The following FGF14 variants were observed in gnomAD, a reference collection of about 807,000 sequenced individuals.
FGF14 encodes fibroblast growth factor 14.
Under a neutral mutation model 25.5 loss-of-function variants are expected in FGF14, and 5 were observed. That is an observed-to-expected ratio of 0.20 (90% CI 0.10 to 0.41). The LOEUF (loss-of-function observed/expected upper bound fraction) is 0.41. Among genes scored for constraint, FGF14 ranks in the 10% least tolerant of loss-of-function variants. FGF14 has a pLI of 1.00. For missense variants in FGF14, 222 were observed against 320.1 expected (o/e 0.69, Z 2.34); for synonymous variants, 138 against 118.3 (o/e 1.17, Z -1.08).
intron 1 of FGF14, among the ~76,000 whole-genome samples, chr13:102,000,172 A>T (rs2039409097): frequency 6.6e-6 from 1 of 152,084 alleles, no homozygotes; most frequent in Non-Finnish European, 1.5e-5. Context: ...AAAAAAAATT[A>T]GCCGGGCCTG....
chr13:102,303,514 T>C (rs894212143), intron 1 of FGF14, among the ~76,000 whole-genome samples: 5 of 152,200 alleles, frequency 3.3e-5, no homozygotes, highest in African/African-American at 7.2e-5. Flanking sequence ...AAAAAGATAT[T>C]TATATGAATA....
At chr13:101,933,739 A>C (rs1163985763) in intron 1 of FGF14, among the ~76,000 whole-genome samples, 1 of 152,160 alleles carries the variant, frequency 6.6e-6, no homozygotes, top group African/African-American at 2.4e-5. Context: ...ACAAACAAAC[A>C]AACAAACAAA....
chr13:102,385,006 T>C (rs951154889), intron 1 of FGF14, among the ~76,000 whole-genome samples: 7 of 152,226 alleles, frequency 4.6e-5, no homozygotes, highest in Non-Finnish European at 8.8e-5. Context: ...TAGGAGACTA[T>C]AAGGTAAAAG....
At chr13:102,114,401 G>T (rs2045369014) in intron 1 of FGF14, among the ~76,000 whole-genome samples, 1 of 152,146 alleles carries the variant, frequency 6.6e-6, no homozygotes, top group African/African-American at 2.4e-5. Flanking sequence ...CTGTGCAGAA[G>T]CTTTTGAGTT....
chr13:101,955,966 C>A (rs2036488367), intron 1 of FGF14, among the ~76,000 whole-genome samples: 1 of 152,208 alleles, frequency 6.6e-6, no homozygotes, highest in Non-Finnish European at 1.5e-5. Flanking sequence ...AAACAAGTCC[C>A]ACGTTTTCAC....
At chr13:101,867,170 G>C (rs923684635) in intron 3 of FGF14, among the ~76,000 whole-genome samples, 2 of 152,094 alleles carry the variant, frequency 1.3e-5, no homozygotes, top group African/African-American at 4.8e-5. Flanking sequence ...GACTGGACTT[G>C]GCAGTTAACA....
At chr13:102,194,271 CT>C (rs549629724) in intron 1 of FGF14, among the ~76,000 whole-genome samples, 1 of 152,070 alleles carries the variant, frequency 6.6e-6, no homozygotes, top group South Asian at 2.1e-4. Flanking sequence ...TTATTTTTCT[CT>C]TTTTTTAATT....
intron 3 of FGF14, among the ~76,000 whole-genome samples, chr13:101,865,927 A>G (rs2044677109): frequency 6.6e-6 from 1 of 152,090 alleles, no homozygotes; most frequent in Non-Finnish European, 1.5e-5. Context: ...TCTGATTTAA[A>G]TCTCCATTAA....
chr13:102,401,433 T>C (rs763721124), intron 1 of FGF14: 1 of 1,588,456 alleles, frequency 6.3e-7, no homozygotes, highest in African/African-American at 1.3e-5. Flanking sequence ...GACAGGTTAT[T>C]ATGAGGAAAA....
chr13:101,874,805 CG>C (rs1384607768), intron 2 of FGF14, among the ~76,000 whole-genome samples: 2 of 151,958 alleles, frequency 1.3e-5, no homozygotes, highest in African/African-American at 4.8e-5. Context: ...CCACAGGCAT[CG>C]TTAAGAACCT....
At chr13:101,750,704 A>G (rs908673931) in intron 3 of FGF14, among the ~76,000 whole-genome samples, 3 of 152,172 alleles carry the variant, frequency 2.0e-5, no homozygotes, top group South Asian at 2.1e-4. Context: ...TGTTTACTCA[A>G]ATGAGTTGGA....
chr13:102,319,300 C>G (rs369087299), intron 1 of FGF14, among the ~76,000 whole-genome samples: 10 of 152,332 alleles, frequency 6.6e-5, no homozygotes, highest in African/African-American at 2.2e-4. Context: ...GAATCCATGT[C>G]TAATCATAGT....
intron 1 of FGF14, among the ~76,000 whole-genome samples, chr13:102,165,582 A>G (rs2140634710): frequency 1.4e-5 from 2 of 145,662 alleles, no homozygotes; most frequent in East Asian, 4.2e-4. Flanking sequence ...ACCAAACACC[A>G]CGAATTCTCA....
intron 1 of FGF14, among the ~76,000 whole-genome samples, chr13:102,135,991 C>A (rs1462862155): frequency 6.6e-6 from 1 of 152,096 alleles, no homozygotes; most frequent in Admixed American, 6.6e-5. Context: ...TGCTCTAAAT[C>A]TTTTTACTTA....
In FGF14 at chr13:102,296,867, A is replaced by G. The variant is rs535533834; in HGVS notation, c.208+104604T>C. Among the ~76,000 whole-genome samples the G allele has an allele frequency of 2.0e-3, 302 of 152,336 alleles. 2 individuals carry two copies. Among genetic ancestry groups the G allele is most frequent in the African/African-American group, 6.8e-3 (281 of 41,582 alleles). ...AGAGGCCAAACTATTGCATTCTATC[A>G]TGGAGATAACATAGCTGAAATAATT... is the stretch of plus-strand genomic sequence containing the variant. On this transcript the variant is annotated intron_variant, in intron 1 of 4. Transcript: ENST00000376131.
chr13:101,935,389 G>A (rs1377855206), intron 1 of FGF14, among the ~76,000 whole-genome samples: 5 of 152,152 alleles, frequency 3.3e-5, no homozygotes, highest in Non-Finnish European at 7.3e-5. Flanking sequence ...AACTGCTATG[G>A]TTTGGCTGTG....
chr13:101,786,993 C>A (rs1055967159), intron 3 of FGF14, among the ~76,000 whole-genome samples: 1 of 152,148 alleles, frequency 6.6e-6, no homozygotes, highest in Admixed American at 6.5e-5. Flanking sequence ...TCCTGTCCCA[C>A]CTTCTAACAT....
In FGF14 at chr13:101,715,164, T is replaced by C. The variant is rs1331458999; in HGVS notation, c.*7667A>G. ...GTCATTAAGTTAGACCTTTGCTTTC[T>C]GCCCATCCTTACTACGTAAGACTCT... On this transcript the variant is annotated 3_prime_UTR_variant, in exon 5 of 5. Coordinates refer to ENST00000376143, the MANE Select transcript of FGF14 (RefSeq NM_004115.4). The C allele has an allele frequency of 2.3e-5, 4 of 172,406 alleles. No homozygotes were observed. Among genetic ancestry groups the C allele is most frequent in the Non-Finnish European group, 4.9e-5 (4 of 80,864 alleles). The allele number at this position is 172,406 out of a possible 1,614,324, so 10.7% of individuals were successfully genotyped here.
chr13:101,912,678 A>G (rs150249836), intron 1 of FGF14, among the ~76,000 whole-genome samples: 1 of 152,286 alleles, frequency 6.6e-6, no homozygotes, highest in Admixed American at 6.5e-5. Context: ...GCATTCTTAT[A>G]AATAACCCAC....
Sources: allele counts gnomAD v4.1 joint callset (sites outside exome capture counted in the v4.1 genomes callset), GRCh38; gene constraint gnomAD v4.1.1; transcripts MANE v1.5; gene names NCBI Gene and HGNC (gene_info 2026-07-23, HGNC 2026-07-21).